AGTPBP1: variants seen among roughly 807,000 people sequenced by gnomAD.
AGTPBP1 encodes cytosolic carboxypeptidase 1.
Under a neutral mutation model 143.9 loss-of-function variants are expected in AGTPBP1, and 70 were observed. The ratio of observed to expected loss-of-function variants is 0.49; its 90% CI spans 0.40 to 0.59. The LOEUF (loss-of-function observed/expected upper bound fraction) is 0.59, where lower values mean the gene tolerates loss of function less well. Among genes scored for constraint, AGTPBP1 ranks in the 20% least tolerant of loss-of-function variants. The probability of loss-of-function intolerance (pLI) is 0.00; values close to 1 mark genes in which losing one functional copy is unlikely to be tolerated. For missense variants in AGTPBP1, 1,229 were observed against 1,464.5 expected (o/e 0.84, Z 2.62); for synonymous variants, 463 against 500.2 (o/e 0.93, Z 0.99).
At chr9:85,599,975 C>A (rs1185107467) in intron 17 of AGTPBP1, among the ~76,000 whole-genome samples, 1 of 152,210 alleles carries the variant, frequency 6.6e-6, no homozygotes, top group Non-Finnish European at 1.5e-5. Context: ...AGACTATTAA[C>A]CACTCTATGC....
intron 2 of AGTPBP1, among the ~76,000 whole-genome samples, chr9:85,696,570 AG>A (rs1486338721): frequency 1.3e-5 from 2 of 151,994 alleles, no homozygotes; most frequent in African/African-American, 4.8e-5. Flanking sequence ...TGGGAGGCTG[AG>A]GCAGGAGAAT....
chr9:85,686,688 A>G (rs1262540157), intron 3 of AGTPBP1, among the ~76,000 whole-genome samples: 1 of 152,204 alleles, frequency 6.6e-6, no homozygotes, highest in East Asian at 1.9e-4. Flanking sequence ...ATAACAGCAT[A>G]AAGAATGAGA....
intron 13 of AGTPBP1, 93 bp from the exon 14 acceptor site, chr9:85,633,467 AT>A (rs1346345232): frequency 1.0e-6 from 1 of 995,160 alleles, no homozygotes; most frequent in Non-Finnish European, 1.4e-6. Flanking sequence ...TGCTTCAGAA[AT>A]TTTTGGAAAT....
At chr9:85,781,453 T>A in the AGTPBP1 span, 1 of 1,340,066 alleles carries the variant, frequency 7.5e-7, no homozygotes. Context: ...CCTTTACCAA[T>A]TGATTGGGTT....
intron 25 of AGTPBP1, among the ~76,000 whole-genome samples, chr9:85,566,978 A>G (rs1365579617): frequency 6.6e-6 from 1 of 152,250 alleles, no homozygotes; most frequent in Non-Finnish European, 1.5e-5. Context: ...TCATGAACTC[A>G]GTGACTTGTC....
intron 14 of AGTPBP1, among the ~76,000 whole-genome samples, chr9:85,631,385 C>T (rs1339149572): frequency 6.6e-6 from 1 of 152,224 alleles, no homozygotes; most frequent in Non-Finnish European, 1.5e-5. Context: ...GATGGCAACC[C>T]AACCATTCCC....
At chr9:85,739,585 G>C (rs1217291400) in intron 1 of AGTPBP1, among the ~76,000 whole-genome samples, 2 of 152,024 alleles carry the variant, frequency 1.3e-5, no homozygotes, top group East Asian at 3.9e-4. Flanking sequence ...GTGTGCTCCT[G>C]TAATCCCAGC....
At chr9:85,748,231 C>T in the AGTPBP1 span, among the ~76,000 whole-genome samples, 16 of 152,186 alleles carry the variant, frequency 1.1e-4, no homozygotes, top group Admixed American at 9.8e-4. Flanking sequence ...GCACTCCCTC[C>T]GTCTTGAAGT....
chr9:85,579,490 T>A (rs1387488448), intron 23 of AGTPBP1, among the ~76,000 whole-genome samples: 2 of 151,296 alleles, frequency 1.3e-5, no homozygotes, highest in Non-Finnish European at 2.9e-5. Flanking sequence ...GCTAAGACAA[T>A]CACAATCAAA....
intron 23 of AGTPBP1, among the ~76,000 whole-genome samples, chr9:85,579,602 G>A (rs76877082): frequency 4.2e-5 from 6 of 141,962 alleles, no homozygotes; most frequent in Non-Finnish European, 9.1e-5. Flanking sequence ...TGTGTGTGTG[G>A]GGCGAGGGGG....
upstream of AGTPBP1, among the ~76,000 whole-genome samples, chr9:85,745,893 G>C (rs1431664641): frequency 6.6e-6 from 1 of 152,122 alleles, no homozygotes. Context: ...TTCTAACAAA[G>C]AGCAGCCTGT....
At position 85,653,047 on chromosome 9, in the gene AGTPBP1, T is replaced by C. The variant is rs762528981; in HGVS notation, c.1087+2096A>G. Among the ~76,000 whole-genome samples the C allele has an allele frequency of 4.5e-4, 69 of 152,288 alleles. 1 individual carries two copies. Among genetic ancestry groups the C allele is most frequent in the Admixed American group, 3.1e-3 (47 of 15,306 alleles). On this transcript the variant is annotated intron_variant, in intron 11 of 25. Transcript: ENST00000357081. ...TCAGACCTATCCTTGTGGACTCACA[T>C]TCTAGCTGAGGAAGGTAAATAATAA...
At chr9:85,582,514 T>C (rs1828333008) in intron 23 of AGTPBP1, among the ~76,000 whole-genome samples, 1 of 151,994 alleles carries the variant, frequency 6.6e-6, no homozygotes. Flanking sequence ...CCATCTCTAC[T>C]AAAAATACAA....
At chr9:85,621,026 C>T (rs1361451873) in intron 15 of AGTPBP1, among the ~76,000 whole-genome samples, 176 bp downstream of exon 15, 4 of 152,140 alleles carry the variant, frequency 2.6e-5, no homozygotes, top group Non-Finnish European at 5.9e-5. Context: ...ATTACCATTA[C>T]ATCCCAAAGG....
At chr9:85,559,579 C>A (rs1826570212) in intron 25 of AGTPBP1, among the ~76,000 whole-genome samples, 1 of 151,574 alleles carries the variant, frequency 6.6e-6, no homozygotes, top group African/African-American at 2.4e-5. Context: ...ACATGACCAG[C>A]AAAAAAGAAA....
At chr9:85,688,721 T>A (rs2134230139) in intron 3 of AGTPBP1, among the ~76,000 whole-genome samples, 1 of 152,336 alleles carries the variant, frequency 6.6e-6, no homozygotes, top group Non-Finnish European at 1.5e-5. Context: ...ACATAAGTAG[T>A]TAACGAGAGG....
intron 13 of AGTPBP1, among the ~76,000 whole-genome samples, chr9:85,638,128 A>C (rs1277019592): frequency 6.6e-6 from 1 of 151,914 alleles, no homozygotes; most frequent in Non-Finnish European, 1.5e-5. Flanking sequence ...GTAAAAAAAA[A>C]GTGTGTATAT....
At chr9:85,798,636 G>C in the AGTPBP1 span, among the ~76,000 whole-genome samples, 1 of 152,106 alleles carries the variant, frequency 6.6e-6, no homozygotes, top group African/African-American at 2.4e-5. Context: ...CCAAAGTGCA[G>C]GGATTACACC....
chr9:85,756,190 G>A, the AGTPBP1 span: 19 of 1,609,456 alleles, frequency 1.2e-5, no homozygotes, highest in South Asian at 4.5e-5. Flanking sequence ...TAGTTTCTAA[G>A]AAGGAGGCTC....
Sources: gnomAD v4.1 joint callset for allele counts (sites outside exome capture counted in the v4.1 genomes callset) on GRCh38, gnomAD v4.1.1 for gene constraint, MANE v1.5 for transcripts, NCBI Gene and HGNC (gene_info 2026-07-23, HGNC 2026-07-21) for gene names.